GALNTL6: variants seen among roughly 807,000 people sequenced by gnomAD.
GALNTL6 encodes polypeptide N-acetylgalactosaminyltransferase-like 6.
GALNTL6 carries 46 observed loss-of-function variants against 73.7 expected under a neutral mutation model. The ratio of observed to expected loss-of-function variants is 0.62; its 90% CI spans 0.49 to 0.80. The LOEUF (loss-of-function observed/expected upper bound fraction) is 0.80. Among genes scored for constraint, GALNTL6 ranks in the 30% least tolerant of loss-of-function variants. The pLI, the probability that GALNTL6 is intolerant of heterozygous loss-of-function variation, is 0.00. For synonymous variants in GALNTL6, 259 were observed against 263.7 expected (o/e 0.98, Z 0.17); for missense variants, 604 against 755.0 (o/e 0.80, Z 2.34).
intron 2 of GALNTL6, among the ~76,000 whole-genome samples, chr4:172,206,984 G>GTT (rs992095986): frequency 2.6e-5 from 4 of 151,044 alleles, no homozygotes; most frequent in Non-Finnish European, 5.9e-5. Context: ...CGCCCGGCTA[G>GTT]TTTTTTGTAT....
At chr4:172,877,764 A>G (rs1417547250) in intron 7 of GALNTL6, among the ~76,000 whole-genome samples, 1 of 151,942 alleles carries the variant, frequency 6.6e-6, no homozygotes, top group Non-Finnish European at 1.5e-5. Flanking sequence ...CTGTTGCTTC[A>G]TGATCATATT....
chr4:171,942,231 A>AAAATAAATAGATAAAT (rs1578992610), intron 2 of GALNTL6, among the ~76,000 whole-genome samples: 2 of 37,276 alleles, frequency 5.4e-5, no homozygotes, highest in Non-Finnish European at 2.0e-4. Context: ...TCTCCAATAA[A>AAAATAAATAGATAAAT]AAATAAATAG....
At chr4:172,251,526 T>C (rs2111015438) in intron 3 of GALNTL6, among the ~76,000 whole-genome samples, 1 of 152,272 alleles carries the variant, frequency 6.6e-6, no homozygotes. Context: ...GGCTGGCACA[T>C]CCTGAATAAG....
intron 5 of GALNTL6, among the ~76,000 whole-genome samples, chr4:172,411,679 G>T (rs1458971423): frequency 6.6e-6 from 1 of 150,866 alleles, no homozygotes; most frequent in Non-Finnish European, 1.5e-5. Flanking sequence ...TCTTCCAGTT[G>T]TCCTAAGGGC....
At chr4:171,966,617 T>C (rs987328243) in intron 2 of GALNTL6, among the ~76,000 whole-genome samples, 2 of 152,214 alleles carry the variant, frequency 1.3e-5, no homozygotes, top group African/African-American at 4.8e-5. Flanking sequence ...GAAGGGCCTG[T>C]AAAGCATATT....
At chr4:172,752,718 A>G (rs1737498243) in intron 5 of GALNTL6, among the ~76,000 whole-genome samples, 1 of 152,174 alleles carries the variant, frequency 6.6e-6, no homozygotes, top group African/African-American at 2.4e-5. Flanking sequence ...AAATAATTTG[A>G]ATGTATTGCA....
chr4:172,432,879 G>A (rs1388427191), intron 5 of GALNTL6, among the ~76,000 whole-genome samples: 1 of 152,058 alleles, frequency 6.6e-6, no homozygotes, highest in Non-Finnish European at 1.5e-5. Flanking sequence ...CTGCTGGATA[G>A]CTTTACAATA....
chr4:171,856,782 T>G (rs1486732836), intron 2 of GALNTL6, among the ~76,000 whole-genome samples: 1 of 152,238 alleles, frequency 6.6e-6, no homozygotes, highest in African/African-American at 2.4e-5. Flanking sequence ...TTCATTCTAT[T>G]GATTGATTTG....
intron 5 of GALNTL6, among the ~76,000 whole-genome samples, chr4:172,422,925 G>C (rs765491367): frequency 1.7e-4 from 25 of 150,948 alleles, no homozygotes; most frequent in Non-Finnish European, 3.0e-4. Context: ...GGGAAGAGGT[G>C]ATTAGTTATA....
At chr4:171,868,763 C>G (rs1301163409) in intron 2 of GALNTL6, among the ~76,000 whole-genome samples, 1 of 151,952 alleles carries the variant, frequency 6.6e-6, no homozygotes, top group African/African-American at 2.4e-5. Flanking sequence ...CCCACTGCAC[C>G]CTCTGCCTCC....
chr4:171,853,473 T>C (rs112103173), intron 2 of GALNTL6, among the ~76,000 whole-genome samples: 54 of 151,556 alleles, frequency 3.6e-4, no homozygotes, highest in Admixed American at 1.5e-3. Flanking sequence ...CTTTTCTTTT[T>C]TTTCTGTTCT....
chr4:172,247,634 C>T (rs1197789693), intron 3 of GALNTL6, among the ~76,000 whole-genome samples: 2 of 152,118 alleles, frequency 1.3e-5, no homozygotes. Flanking sequence ...GTGAAACTCT[C>T]AGGAATATAA....
chr4:172,025,233 T>G (rs944236614), intron 2 of GALNTL6, among the ~76,000 whole-genome samples: 6 of 152,078 alleles, frequency 3.9e-5, no homozygotes, highest in Non-Finnish European at 2.9e-5. Flanking sequence ...CCAGTTGAAT[T>G]GGATGTCAAG....
intron 2 of GALNTL6, among the ~76,000 whole-genome samples, chr4:171,962,923 A>C (rs1739269343): frequency 6.6e-6 from 1 of 151,808 alleles, no homozygotes; most frequent in Admixed American, 6.6e-5. Flanking sequence ...GTGCACCACC[A>C]TGCCCAGCTA....
chr4:172,075,525 C>T (rs1273354366), intron 2 of GALNTL6, among the ~76,000 whole-genome samples: 1 of 152,024 alleles, frequency 6.6e-6, no homozygotes, highest in Non-Finnish European at 1.5e-5. Flanking sequence ...TTAGTAGAGA[C>T]GGGGTTCCAC....
intron 2 of GALNTL6, among the ~76,000 whole-genome samples, chr4:171,978,554 GAAACA>G (rs1391581658): frequency 1.3e-5 from 2 of 152,138 alleles, no homozygotes; most frequent in Admixed American, 6.5e-5. Flanking sequence ...CCAAGAGAAA[GAAACA>G]AGTTTCTTGA....
At chr4:172,727,303 C>A (rs2111377822) in intron 5 of GALNTL6, among the ~76,000 whole-genome samples, 1 of 152,308 alleles carries the variant, frequency 6.6e-6, no homozygotes, top group East Asian at 1.9e-4. Context: ...CTTTACACCA[C>A]ACAACTTTCT....
chr4:172,968,365 C>A (rs1476852077), intron 10 of GALNTL6, among the ~76,000 whole-genome samples: 1 of 152,138 alleles, frequency 6.6e-6, no homozygotes, highest in East Asian at 1.9e-4. Context: ...AAGACCCTCT[C>A]ACAGGCTCCA....
rs531953040 is a variant in GALNTL6, at chr4:172,084,076, A to C, written c.139-145580A>C. 5.3e-5 allele frequency among the ~76,000 whole-genome samples: 8 copies of C among 152,324 alleles called. No individual in the cohort carries two copies. In the East Asian group the frequency reaches 1.5e-3, roughly 29 times the overall value. On this transcript the variant is annotated intron_variant, in intron 2 of 12. Transcript: ENST00000506823. ...ATTGATGTCATAGGAAACAAGAGGA[A>C]GTTTGAAGTAGATCACAGAGTTGTT... is the stretch of plus-strand genomic sequence containing the variant.
Sources: gnomAD v4.1 joint callset for allele counts (sites outside exome capture counted in the v4.1 genomes callset) on GRCh38, gnomAD v4.1.1 for gene constraint, MANE v1.5 for transcripts, NCBI Gene and HGNC (gene_info 2026-07-23, HGNC 2026-07-21) for gene names.